CACFD1: variants seen among roughly 807,000 people sequenced by gnomAD.
CACFD1 encodes the protein calcium channel flower domain containing 1.
In CACFD1, 26 loss-of-function variants were observed where a neutral mutation model predicts 21.3. The observed-to-expected ratio is 1.22, with a 90% CI of 0.89 to 1.69. CACFD1 has a LOEUF of 1.69. CACFD1 is among the 40% of genes most tolerant of loss of function. The pLI is 0.00. For synonymous variants in CACFD1, 121 were observed against 106.6 expected (o/e 1.13, Z -0.83); for missense variants, 265 against 236.2 (o/e 1.12, Z -0.80).
chr9:133,464,781 G>A (rs1008674129), intron 2 of CACFD1, among the ~76,000 whole-genome samples: 1 of 152,180 alleles, frequency 6.6e-6, no homozygotes, highest in Non-Finnish European at 1.5e-5. Context: ...GGGTGTCCCC[G>A]GGCCTGGGGC....
chr9:133,460,471 C>CGGCGGGGGCGGGGGGGCGGCGGGGGCGGG (rs55944944), intron 1 of CACFD1, among the ~76,000 whole-genome samples: 1 of 125,818 alleles, frequency 7.9e-6, no homozygotes, highest in Non-Finnish European at 1.8e-5. Context: ...GGCGGGGGGG[C>CGGCGGGGGCGGGGGGGCGGCGGGGGCGGG]GGCGGGGGCG....
chr9:133,461,877 G>A (rs1164227335), intron 1 of CACFD1: 2 of 985,334 alleles, frequency 2.0e-6, no homozygotes, highest in Non-Finnish European at 2.4e-6. Flanking sequence ...AGGGTTGTGT[G>A]CCGGGCTGGT....
At position 133,468,720 on chromosome 9, in the gene CACFD1, C is replaced by T; in HGVS notation, c.*67C>T. The T allele has an allele frequency of 6.7e-7, 1 of 1,488,078 alleles. No homozygotes were observed. The highest frequency in any genetic ancestry group is 8.9e-7 in the Non-Finnish European group (1 of 1,119,096). 92.2% of individuals were successfully genotyped at this position (1,488,078 alleles called of 1,614,324 possible). ...TGTGTGGGTCCAAGTGAGGCCTGGA[C>T]TGTCCACGCTGAGGCACAGCCTGGA... On this transcript the variant is annotated 3_prime_UTR_variant, in exon 5 of 5. Coordinates refer to ENST00000316948, the MANE Select transcript of CACFD1 (RefSeq NM_017586.5).
chr9:133,460,174 G>A lies in CACFD1; in HGVS notation c.108G>A (p.Val36=). 2 of 1,554,308 alleles carry A rather than the reference G, an allele frequency of 1.3e-6. No individual in the cohort carries two copies. The highest frequency in any genetic ancestry group is 1.9e-5 in the Admixed American group (1 of 52,132). Residue 36 remains valine, a synonymous_variant, in exon 1 of 5, where the codon GTG becomes GTA. Coordinates refer to ENST00000316948, the MANE Select transcript of CACFD1 (RefSeq NM_017586.5). ...GCTGGCTGTGTCGCCTGTCTGGGGT[G>A]CTGGGGGCAGTCTGTGAGTATCCAG... The part of the protein sequence containing the change: ...WYRWLCRLSG[V]LGAVSCAISG...
In CACFD1 at chr9:133,467,928, G is replaced by A; in HGVS notation, c.328G>A (p.Val110Ile). The A allele has an allele frequency of 6.2e-7, 1 of 1,612,086 alleles. No homozygotes were observed. The highest frequency in any genetic ancestry group is 8.5e-7 in the Non-Finnish European group (1 of 1,179,420). ...CCTCTGCTTTCCCCCCAGGATGGCG[G>A]TCGTTCCCATCGTCATCAGCCTGAC... ...QKAVFYCGMA[V>I]VPIVISLTLT... The change falls in exon 4 of 5, where the codon GTC (valine) becomes ATC (isoleucine). Residue 110 changes from valine (V) to isoleucine (I), a missense_variant. Val to Ile is a conservative substitution (Grantham distance 29, BLOSUM62 3). Transcript: ENST00000316948.
chr9:133,468,290 C>T (rs782645200), intron 4 of CACFD1: 72 of 1,502,492 alleles, frequency 4.8e-5, no homozygotes, highest in Middle Eastern at 3.4e-4. Context: ...CCCTTCCCCT[C>T]CCAGGTCTGC....
chr9:133,462,242 G>C (rs1554798700), intron 1 of CACFD1: 1 of 1,304,262 alleles, frequency 7.7e-7, no homozygotes, highest in Non-Finnish European at 1.0e-6. Flanking sequence ...ACAGCAGAGA[G>C]GCAGGGAGCC....
chr9:133,468,004 A>G lies in CACFD1; in HGVS notation c.404A>G (p.Tyr135Cys). The G allele has an allele frequency of 6.2e-7, 1 of 1,613,878 alleles. No individual in the cohort carries two copies. Reference sequence around the variant, plus strand: ...ATCGCCTTTGCTACGGGGGTGCTGTACGGACTCTCTGCTCTGGGCAAAAAG... The same window carrying G: ...ATCGCCTTTGCTACGGGGGTGCTGTGCGGACTCTCTGCTCTGGGCAAAAAG... ...NAIAFATGVLYGLSALGKKGD... is the reference protein window; with the variant it reads ...NAIAFATGVLCGLSALGKKGD... Residue 135 changes from tyrosine (Y) to cysteine (C), a missense_variant, in exon 4 of 5, where the codon TAC (tyrosine) becomes TGC (cysteine). Coordinates refer to ENST00000316948, the MANE Select transcript of CACFD1 (RefSeq NM_017586.5).
intron 1 of CACFD1, among the ~76,000 whole-genome samples, chr9:133,460,555 C>T (rs1843154614): frequency 7.1e-6 from 1 of 140,792 alleles, no homozygotes; most frequent in Non-Finnish European, 1.6e-5. Flanking sequence ...GAGACTTTCT[C>T]GGTGATGCTC....
Position 133,465,210 on chromosome 9 carries a change from T to G in CACFD1, c.195-112T>G. ...GGGCGGCTTCCCAGAGGAGGAGGGA[T>G]GAGGGCAGGAGGGTGAGGGAGGTGG... On this transcript the variant is annotated intron_variant, in intron 2 of 4. Transcript: ENST00000316948. The surrounding 1 kb of genome is among the most constrained non-coding windows in gnomAD (Gnocchi z 5.0). The G allele has an allele frequency of 7.9e-7, 1 of 1,263,348 alleles. No individual in the cohort carries two copies. The highest frequency in any genetic ancestry group is 1.1e-6 in the Non-Finnish European group (1 of 876,646). 78.3% of individuals were successfully genotyped at this position (1,263,348 alleles called of 1,614,324 possible).
chr9:133,463,814 G>T (rs587654390), intron 2 of CACFD1, among the ~76,000 whole-genome samples: 18 of 152,362 alleles, frequency 1.2e-4, no homozygotes, highest in Middle Eastern at 6.8e-3. Flanking sequence ...GCCTTCATCC[G>T]GTGCAGGGGC....
chr9:133,462,251 C>G (rs1843250952), intron 1 of CACFD1: 1 of 1,304,074 alleles, frequency 7.7e-7, no homozygotes, highest in Non-Finnish European at 1.0e-6. Flanking sequence ...AGGCAGGGAG[C>G]CGTGTCACCC....
intron 4 of CACFD1, chr9:133,468,323 C>A: frequency 6.5e-7 from 1 of 1,533,466 alleles, no homozygotes; most frequent in South Asian, 1.2e-5. Context: ...ACTCAGTTGC[C>A]ACCCTCTCTC....
At chr9:133,466,949 T>C (rs1354457090) in intron 3 of CACFD1, among the ~76,000 whole-genome samples, 1 of 152,244 alleles carries the variant, frequency 6.6e-6, no homozygotes, top group East Asian at 1.9e-4. Context: ...TTGTATTTCC[T>C]GCAACTATTT....
chr9:133,462,094 G>A, intron 1 of CACFD1: 4 of 1,302,420 alleles, frequency 3.1e-6, no homozygotes, highest in Non-Finnish European at 4.0e-6. Flanking sequence ...ATTCCTGGCT[G>A]GAGCCTGCTG....
At position 133,468,840 on chromosome 9, in the gene CACFD1, C is replaced by T. The variant is rs1843558341; in HGVS notation, c.*187C>T. Reference sequence around the variant, plus strand: ...AGCCACTGGCTGCTGGTGTGAGGGTCTGGGCTGCTGGACTTGAGGCAGAGC... The same window carrying T: ...AGCCACTGGCTGCTGGTGTGAGGGTTTGGGCTGCTGGACTTGAGGCAGAGC... On this transcript the variant is annotated 3_prime_UTR_variant, in exon 5 of 5. Transcript: ENST00000316948. The T allele has an allele frequency of 9.9e-7, 1 of 1,010,578 alleles. No homozygotes were observed. The highest frequency in any genetic ancestry group is 1.6e-5 in the African/African-American group (1 of 61,574). 62.6% of individuals were successfully genotyped at this position (1,010,578 alleles called of 1,614,324 possible). A position where few individuals can be genotyped will look rare whatever the true frequency, so the allele number is the denominator to read the frequency against.
chr9:133,463,407 T>A, intron 1 of CACFD1, 76 bp from the exon 2 acceptor site: 1 of 1,608,568 alleles, frequency 6.2e-7, no homozygotes, highest in Non-Finnish European at 8.5e-7. Context: ...TCCTTTCCAG[T>A]CATCTCCCAA....
chr9:133,461,367 A>T (rs1040923873), intron 1 of CACFD1, among the ~76,000 whole-genome samples: 4 of 152,200 alleles, frequency 2.6e-5, no homozygotes, highest in Non-Finnish European at 4.4e-5. Context: ...CCTACCCCCA[A>T]ATCACAAAAA....
intron 1 of CACFD1, among the ~76,000 whole-genome samples, chr9:133,461,311 G>GC (rs1424179851): frequency 2.0e-5 from 3 of 152,190 alleles, no homozygotes; most frequent in Non-Finnish European, 2.9e-5. Flanking sequence ...TGCTGCCCTC[G>GC]CTAGGCATGC....
Sources: allele counts gnomAD v4.1 joint callset (sites outside exome capture counted in the v4.1 genomes callset), GRCh38; gene constraint gnomAD v4.1.1; non-coding constraint Gnocchi (gnomAD v3.1); transcripts MANE v1.5; gene names NCBI Gene and HGNC (gene_info 2026-07-23, HGNC 2026-07-21).